Variants in VBP1 observed in about 807,000 individuals in gnomAD.
VBP1 encodes the protein prefoldin subunit 3.
A neutral mutation model predicts 15.5 loss-of-function variants in VBP1; 4 were observed. That is an observed-to-expected ratio of 0.26 (90% CI 0.13 to 0.59). VBP1 has a LOEUF of 0.59. Among genes scored for constraint, VBP1 ranks in the 20% least tolerant of loss-of-function variants. The pLI is 0.90. For missense variants in VBP1, 108 were observed against 139.6 expected (o/e 0.77, Z 1.14); for synonymous variants, 61 against 52.1 (o/e 1.17, Z -0.74).
intron 1 of VBP1, among the ~76,000 whole-genome samples, chrX:155,206,662 G>T (rs1242193663): frequency 1.8e-5 from 2 of 110,745 alleles, no homozygotes; most frequent in African/African-American, 6.6e-5. Flanking sequence ...ATCAACTAGG[G>T]GTGAGTGGAG....
At chrX:155,227,729 A>C (rs901709557) in intron 3 of VBP1, among the ~76,000 whole-genome samples, 30 of 112,285 alleles carry the variant, frequency 2.7e-4, no homozygotes, top group African/African-American at 9.7e-4. Context: ...TTCATAGTTG[A>C]GGAAATGGTT....
At chrX:155,211,810 A>G (rs989999315), upstream of VBP1, among the ~76,000 whole-genome samples, 3 of 112,032 alleles carry the variant, frequency 2.7e-5, no homozygotes, top group East Asian at 8.4e-4. Flanking sequence ...CTCCCATGCT[A>G]TGAGCAGGCT....
At chrX:155,225,243 G>T (rs1476496665) in intron 2 of VBP1, among the ~76,000 whole-genome samples, 1 of 111,448 alleles carries the variant, frequency 9.0e-6, no homozygotes, top group African/African-American at 3.3e-5. Context: ...ACTCCTGGTG[G>T]GTAGCAGTGG....
intron 1 of VBP1, among the ~76,000 whole-genome samples, chrX:155,205,091 G>C (rs781849106): frequency 2.1e-4 from 24 of 111,742 alleles, no homozygotes; most frequent in Non-Finnish European, 4.1e-4. Context: ...AAATTTTCAT[G>C]ATTTAAAATT....
At chrX:155,237,152 A>G (rs1455062490) in intron 5 of VBP1, among the ~76,000 whole-genome samples, 1 of 111,404 alleles carries the variant, frequency 9.0e-6, no homozygotes, top group African/African-American at 3.3e-5. Flanking sequence ...AAGAGGTGGG[A>G]GTGGGGTATT....
intron 2 of VBP1, among the ~76,000 whole-genome samples, chrX:155,210,477 T>G (rs1022758744): frequency 9.0e-6 from 1 of 111,497 alleles, no homozygotes; most frequent in African/African-American, 3.3e-5. Context: ...ATATGCCATG[T>G]GTCATACAGG....
intron 1 of VBP1, among the ~76,000 whole-genome samples, chrX:155,198,544 G>C (rs1557306966): frequency 1.8e-5 from 2 of 111,219 alleles, no homozygotes; most frequent in Non-Finnish European, 1.9e-5. Context: ...CTGCAGCTGA[G>C]GGTCCTGTCT....
intron 2 of VBP1, among the ~76,000 whole-genome samples, chrX:155,223,077 C>T (rs2074697149): frequency 9.6e-6 from 1 of 104,712 alleles, no homozygotes; most frequent in African/African-American, 3.6e-5. Flanking sequence ...AGTTGTTTTG[C>T]AGCAGATGGC....
Position 155,223,116 on chromosome X carries a change from G to GT in VBP1, c.218+2823dup, listed in dbSNP as rs781808891. Among the ~76,000 whole-genome samples the GT allele has an allele frequency of 4.7e-3, 304 of 64,273 alleles. 1 individual carries two copies. The highest frequency in any genetic ancestry group is 0.03 in the Middle Eastern group (3 of 100). The allele number at this position is 64,273 out of a possible 115,157, so 55.8% of individuals were successfully genotyped here. A position where few individuals can be genotyped will look rare whatever the true frequency, so the allele number is the denominator to read the frequency against. ...ATGTAGTTTACATGCTAGCCTTTTT[G>GT]TTTTTTTTTTTTTTCAATTTGCTAT... is the stretch of plus-strand genomic sequence containing the variant. On this transcript the variant is annotated intron_variant, in intron 2 of 5. Coordinates refer to ENST00000286428, the MANE Select transcript of VBP1 (RefSeq NM_003372.7).
chrX:155,211,802 C>T (rs1171645455), upstream of VBP1, among the ~76,000 whole-genome samples: 3 of 112,039 alleles, frequency 2.7e-5, no homozygotes, highest in Admixed American at 9.4e-5. Context: ...CTGCAGATCT[C>T]CCATGCTATG....
intron 1 of VBP1, among the ~76,000 whole-genome samples, chrX:155,218,250 A>G (rs1178549729): frequency 8.9e-6 from 1 of 111,906 alleles, no homozygotes; most frequent in Non-Finnish European, 1.9e-5. Flanking sequence ...GTGACATGGT[A>G]TTGTAGAAAG....
At chrX:155,212,308 T>C (rs2074647771), upstream of VBP1, among the ~76,000 whole-genome samples, 2 of 112,094 alleles carry the variant, frequency 1.8e-5, no homozygotes, top group Admixed American at 1.9e-4. Flanking sequence ...TGAACCTTTT[T>C]ACATCCATGC....
intron 4 of VBP1, 117 bp from the exon 5 acceptor site, chrX:155,236,109 ACTT>A: frequency 1.2e-6 from 1 of 809,703 alleles, no homozygotes; most frequent in Non-Finnish European, 1.7e-6. Flanking sequence ...GTGAAACTTA[ACTT>A]ACAACAAAAG....
At chrX:155,203,714 C>G (rs2074615954) in intron 1 of VBP1, among the ~76,000 whole-genome samples, 1 of 109,549 alleles carries the variant, frequency 9.1e-6, no homozygotes, top group South Asian at 3.9e-4. Context: ...ACATATGTAA[C>G]TAACCTGCAC....
intron 1 of VBP1, among the ~76,000 whole-genome samples, chrX:155,217,287 G>A (rs990517627): frequency 8.9e-6 from 1 of 112,211 alleles, no homozygotes; most frequent in Non-Finnish European, 1.9e-5. Flanking sequence ...AGAGGGGATC[G>A]GGTTGCTCCA....
chrX:155,233,445 G>A (rs1486121663), intron 4 of VBP1, among the ~76,000 whole-genome samples: 1 of 111,755 alleles, frequency 8.9e-6, no homozygotes, highest in African/African-American at 3.3e-5. Context: ...TCATTCTGCT[G>A]CCAGCCAGAA....
Position 155,239,078 on chromosome X carries a change from C to T in VBP1, c.*236C>T. The T allele has an allele frequency of 3.8e-6, 1 of 266,527 alleles. No individual in the cohort carries two copies. The highest frequency in any genetic ancestry group is 9.6e-5 in the South Asian group (1 of 10,424). 22.0% of individuals were successfully genotyped at this position (266,527 alleles called of 1,213,427 possible). A position where few individuals can be genotyped will look rare whatever the true frequency, so the allele number is the denominator to read the frequency against. On this transcript the variant is annotated 3_prime_UTR_variant, in exon 6 of 6. Transcript: ENST00000286428. ...TATTTTAATCATTATTTTTGCCTGT[C>T]ATAAGAAAACTCTTAGCTGAAATGG...
At chrX:155,233,308 G>C (rs183630516) in intron 4 of VBP1, among the ~76,000 whole-genome samples, 70 of 111,729 alleles carry the variant, frequency 6.3e-4, no homozygotes, top group African/African-American at 2.2e-3. Flanking sequence ...CTGTTTCCTT[G>C]CTGCCTGTCG....
Position 155,239,748 on chromosome X carries a change from A to C in VBP1, c.*906A>C, listed in dbSNP as rs1394563785. Reference sequence around the variant, plus strand: ...TAAATGTATTAGTTCATCTCCATGTAGTAAAAAGTATACTTATACAATGTT... The same window carrying C: ...TAAATGTATTAGTTCATCTCCATGTCGTAAAAAGTATACTTATACAATGTT... On this transcript the variant is annotated 3_prime_UTR_variant, in exon 6 of 6. Transcript: ENST00000286428. 1 of 112,536 alleles carries C rather than the reference A, an allele frequency of 8.9e-6. No individual in the cohort carries two copies. Among genetic ancestry groups the C allele is most frequent in the East Asian group, 2.8e-4 (1 of 3,626 alleles). The allele number at this position is 112,536 out of a possible 1,213,427, so 9.3% of individuals were successfully genotyped here.
Sources: gnomAD v4.1 joint callset for allele counts (sites outside exome capture counted in the v4.1 genomes callset) on GRCh38, gnomAD v4.1.1 for gene constraint, MANE v1.5 for transcripts, NCBI Gene and HGNC (gene_info 2026-07-23, HGNC 2026-07-21) for gene names.